The following SLC9A9 variants were observed in gnomAD, a reference collection of about 807,000 sequenced individuals.
SLC9A9 encodes solute carrier family 9 member A9.
In SLC9A9, 62 loss-of-function variants were observed where a neutral mutation model predicts 77.8. That is an observed-to-expected ratio of 0.80 (90% CI 0.65 to 0.98). The LOEUF (loss-of-function observed/expected upper bound fraction) is 0.98. SLC9A9 is among the 50% of genes least tolerant of loss of function. The pLI, the probability that SLC9A9 is intolerant of heterozygous loss-of-function variation, is 0.00. For synonymous variants in SLC9A9, 320 were observed against 283.5 expected (o/e 1.13, Z -1.29); for missense variants, 775 against 774.9 (o/e 1.00, Z 0.00).
intron 14 of SLC9A9, among the ~76,000 whole-genome samples, chr3:143,349,851 T>C (rs953896876): frequency 6.6e-6 from 1 of 152,176 alleles, no homozygotes; most frequent in Non-Finnish European, 1.5e-5. Context: ...CTGCCTATTT[T>C]TGAGTAGGAT....
intron 5 of SLC9A9, among the ~76,000 whole-genome samples, chr3:143,663,527 G>C (rs1288941000): frequency 1.3e-5 from 2 of 152,190 alleles, no homozygotes; most frequent in African/African-American, 2.4e-5. Flanking sequence ...CTGAGCTAAA[G>C]GTGGACGTTT....
intron 5 of SLC9A9, among the ~76,000 whole-genome samples, chr3:143,687,467 T>C (rs1933308235): frequency 6.6e-6 from 1 of 152,164 alleles, no homozygotes; most frequent in South Asian, 2.1e-4. Context: ...ATATAACAAT[T>C]AGTTCCCAGT....
At chr3:143,544,144 T>A (rs1438712475) in intron 9 of SLC9A9, among the ~76,000 whole-genome samples, 1 of 152,234 alleles carries the variant, frequency 6.6e-6, no homozygotes. Context: ...TTTTCTCATA[T>A]GTTTCTTGGC....
chr3:143,557,286 G>T (rs1010389549), intron 8 of SLC9A9, among the ~76,000 whole-genome samples: 1 of 152,180 alleles, frequency 6.6e-6, no homozygotes, highest in African/African-American at 2.4e-5. Flanking sequence ...AGAACTGTGA[G>T]TCAATTAAAC....
intron 6 of SLC9A9, among the ~76,000 whole-genome samples, chr3:143,645,262 C>T (rs1308387017): frequency 6.6e-6 from 1 of 152,154 alleles, no homozygotes; most frequent in Non-Finnish European, 1.5e-5. Flanking sequence ...AACTCGAAAT[C>T]TACTTCAAGA....
intron 12 of SLC9A9, among the ~76,000 whole-genome samples, chr3:143,455,869 C>T (rs1313860112): frequency 6.6e-6 from 1 of 150,766 alleles, no homozygotes; most frequent in Non-Finnish European, 1.5e-5. Flanking sequence ...TTTTATTTCT[C>T]TCTCTCTACA....
At chr3:143,838,435 G>A (rs972228904) in intron 1 of SLC9A9, among the ~76,000 whole-genome samples, 34 of 151,346 alleles carry the variant, frequency 2.2e-4, no homozygotes, top group South Asian at 1.9e-3. Context: ...CAAGGTGGTC[G>A]GCAAGGTGGT....
intron 14 of SLC9A9, among the ~76,000 whole-genome samples, chr3:143,285,989 G>A (rs1383688016): frequency 6.6e-6 from 1 of 152,090 alleles, no homozygotes; most frequent in Non-Finnish European, 1.5e-5. Flanking sequence ...AGGAAGTATG[G>A]GATGTGGTTT....
chr3:143,319,443 G>A (rs2031336164), intron 14 of SLC9A9, among the ~76,000 whole-genome samples: 1 of 152,198 alleles, frequency 6.6e-6, no homozygotes, highest in Non-Finnish European at 1.5e-5. Context: ...TTGCTTTGAA[G>A]ACCAGAGCTC....
At chr3:143,336,765 G>A (rs1576432695) in intron 14 of SLC9A9, among the ~76,000 whole-genome samples, 1 of 151,992 alleles carries the variant, frequency 6.6e-6, no homozygotes, top group African/African-American at 2.4e-5. Context: ...TTGTTCAATG[G>A]GTATAGAGTT....
At chr3:143,444,884 C>T (rs1357704691) in intron 12 of SLC9A9, among the ~76,000 whole-genome samples, 5 of 152,188 alleles carry the variant, frequency 3.3e-5, no homozygotes, top group Admixed American at 6.5e-5. Context: ...GGAAGCTGGC[C>T]CATGTGGGCA....
At chr3:143,618,467 T>C (rs2038145201) in intron 6 of SLC9A9, among the ~76,000 whole-genome samples, 1 of 152,138 alleles carries the variant, frequency 6.6e-6, no homozygotes, top group African/African-American at 2.4e-5. Context: ...TCATTCCAGA[T>C]TGGAAAGTCT....
intron 4 of SLC9A9, among the ~76,000 whole-genome samples, chr3:143,725,280 TG>T (rs1304025260): frequency 6.6e-6 from 1 of 152,144 alleles, no homozygotes; most frequent in Admixed American, 6.5e-5. Flanking sequence ...ACTTTTACAC[TG>T]TTGGTGGGAC....
At chr3:143,408,671 C>T (rs925862073) in intron 12 of SLC9A9, among the ~76,000 whole-genome samples, 2 of 152,280 alleles carry the variant, frequency 1.3e-5, no homozygotes, top group East Asian at 1.9e-4. Context: ...TCCAAAATCC[C>T]CTTCTTTGGA....
chr3:143,451,377 A>G (rs560968036), intron 12 of SLC9A9, among the ~76,000 whole-genome samples: 2 of 152,300 alleles, frequency 1.3e-5, no homozygotes, highest in Admixed American at 6.5e-5. Context: ...AAAATCTCAT[A>G]TATTGGTTAC....
intron 4 of SLC9A9, among the ~76,000 whole-genome samples, chr3:143,695,779 C>T (rs1576665135): frequency 6.6e-6 from 1 of 152,104 alleles, no homozygotes; most frequent in East Asian, 1.9e-4. Context: ...AGTGGTTGAA[C>T]TAATTTACAC....
intron 4 of SLC9A9, among the ~76,000 whole-genome samples, chr3:143,733,223 A>G (rs1214338049): frequency 3.3e-5 from 5 of 152,082 alleles, no homozygotes; most frequent in African/African-American, 4.8e-5. Context: ...AGCAAAGGCC[A>G]TAAAGGACCA....
At chr3:143,409,839 C>T (rs1273646137) in intron 12 of SLC9A9, among the ~76,000 whole-genome samples, 3 of 152,072 alleles carry the variant, frequency 2.0e-5, no homozygotes, top group South Asian at 2.1e-4. Context: ...TTCCCAAGAT[C>T]GAAATTTCTT....
chr3:143,604,669 A>T (rs374860585), intron 6 of SLC9A9, among the ~76,000 whole-genome samples: 1 of 152,228 alleles, frequency 6.6e-6, no homozygotes, highest in Non-Finnish European at 1.5e-5. Context: ...GCCTCCGAGT[A>T]TGTGAGAACA....
Sources: allele counts gnomAD v4.1 joint callset (sites outside exome capture counted in the v4.1 genomes callset), GRCh38; gene constraint gnomAD v4.1.1; transcripts MANE v1.5; gene names NCBI Gene and HGNC (gene_info 2026-07-23, HGNC 2026-07-21).